DPP10: variants seen among roughly 807,000 people sequenced by gnomAD.
DPP10 encodes the protein dipeptidyl peptidase like 10.
DPP10 carries 33 observed loss-of-function variants against 120.9 expected under a neutral mutation model. That is an observed-to-expected ratio of 0.27 (90% CI 0.21 to 0.37). The LOEUF (loss-of-function observed/expected upper bound fraction) is 0.37. Ranked by LOEUF, DPP10 falls within the 10% of genes least tolerant of loss-of-function variation. DPP10 has a pLI of 1.00. For missense variants in DPP10, 816 were observed against 942.8 expected, an observed-to-expected ratio of 0.87 and a Z score of 1.76; for synonymous variants, 337 against 326.1, an observed-to-expected ratio of 1.03 and a Z score of -0.36.
chr2:114,483,751 G>A (rs542165498), intron 1 of DPP10, among the ~76,000 whole-genome samples: 31 of 152,222 alleles, frequency 2.0e-4, no homozygotes, highest in African/African-American at 5.8e-4. Flanking sequence ...GGAGGACCTC[G>A]CTCAGGCCTT....
intron 1 of DPP10, chr2:115,144,043 T>C (rs753949640): frequency 2.6e-5 from 4 of 152,264 alleles, no homozygotes; most frequent in South Asian, 2.1e-4. Context: ...GTGTACACCA[T>C]AGGATGGAAT....
chr2:114,993,578 GTGTATATATATA>G (rs1243175386), intron 1 of DPP10, among the ~76,000 whole-genome samples: 4 of 89,198 alleles, frequency 4.5e-5, no homozygotes, highest in African/African-American at 1.1e-4. Context: ...GTGTGTGTGT[GTGTATATATATA>G]TATATATATA....
chr2:115,177,856 C>G (rs983462633), intron 1 of DPP10, among the ~76,000 whole-genome samples: 3 of 152,054 alleles, frequency 2.0e-5, no homozygotes, highest in Non-Finnish European at 4.4e-5. Flanking sequence ...CTCCGCCTGC[C>G]AGGTTCATGC....
At chr2:115,239,606 A>T (rs1016047516) in intron 1 of DPP10, among the ~76,000 whole-genome samples, 1 of 152,086 alleles carries the variant, frequency 6.6e-6, no homozygotes, top group Admixed American at 6.6e-5. Flanking sequence ...TATAAACATA[A>T]CTTTTTTTTA....
chr2:114,668,980 G>C (rs1173337265), intron 1 of DPP10, among the ~76,000 whole-genome samples: 1 of 151,934 alleles, frequency 6.6e-6, no homozygotes, highest in Non-Finnish European at 1.5e-5. Flanking sequence ...CCTGTCTTCT[G>C]CAAGACTCCA....
chr2:115,490,668 CA>C (rs762042586), intron 3 of DPP10, among the ~76,000 whole-genome samples: 35 of 152,186 alleles, frequency 2.3e-4, no homozygotes, highest in South Asian at 1.5e-3. Context: ...CTTCCATTAA[CA>C]ATGCTAAGTT....
chr2:115,420,619 A>C (rs2069854895), intron 3 of DPP10, among the ~76,000 whole-genome samples: 2 of 152,178 alleles, frequency 1.3e-5, no homozygotes, highest in Admixed American at 6.6e-5. Flanking sequence ...ATCAAGAATG[A>C]GGTAACCAGC....
intron 1 of DPP10, among the ~76,000 whole-genome samples, chr2:115,305,734 T>C (rs1434729825): frequency 6.6e-6 from 1 of 151,806 alleles, no homozygotes; most frequent in Non-Finnish European, 1.5e-5. Context: ...CAAGACCCTC[T>C]CTCTAACAAC....
At chr2:115,088,975 A>G (rs1166421037) in intron 1 of DPP10, among the ~76,000 whole-genome samples, 1 of 151,918 alleles carries the variant, frequency 6.6e-6, no homozygotes, top group Non-Finnish European at 1.5e-5. Flanking sequence ...CACAACCTTT[A>G]TTGCCATCCC....
At chr2:114,513,233 A>G (rs1013456242) in intron 1 of DPP10, among the ~76,000 whole-genome samples, 8 of 152,046 alleles carry the variant, frequency 5.3e-5, no homozygotes, top group African/African-American at 1.9e-4. Context: ...AAGAAACTGG[A>G]CCTTTACAGC....
chr2:115,435,866 G>A (rs1477700870), intron 3 of DPP10, among the ~76,000 whole-genome samples: 2 of 151,878 alleles, frequency 1.3e-5, no homozygotes, highest in African/African-American at 2.4e-5. Context: ...AGTTGATTTT[G>A]TATATGGTGA....
intron 5 of DPP10, among the ~76,000 whole-genome samples, chr2:115,617,591 C>T (rs892481721): frequency 6.6e-6 from 1 of 151,290 alleles, no homozygotes; most frequent in Non-Finnish European, 1.5e-5. Context: ...AAATATTTAC[C>T]ATTTTGTTAC....
intron 8 of DPP10, among the ~76,000 whole-genome samples, chr2:115,734,849 C>A (rs2092997660): frequency 6.6e-6 from 1 of 151,962 alleles, no homozygotes; most frequent in Non-Finnish European, 1.5e-5. Flanking sequence ...AGAAAGGTGG[C>A]ACGTTCAAAA....
At chr2:114,496,357 G>T (rs2104470388) in intron 1 of DPP10, among the ~76,000 whole-genome samples, 1 of 152,206 alleles carries the variant, frequency 6.6e-6, no homozygotes, top group African/African-American at 2.4e-5. Context: ...ATACTATTTT[G>T]GGGATGCTGC....
intron 1 of DPP10, among the ~76,000 whole-genome samples, chr2:114,694,640 G>A (rs978442462): frequency 9.2e-5 from 14 of 151,928 alleles, no homozygotes; most frequent in African/African-American, 1.7e-4. Context: ...TGAATAAAAC[G>A]TAATATTTGT....
chr2:114,831,765 T>A (rs964403459), intron 1 of DPP10, among the ~76,000 whole-genome samples: 5 of 151,652 alleles, frequency 3.3e-5, no homozygotes, highest in Non-Finnish European at 5.9e-5. Flanking sequence ...ACATTCATAC[T>A]TCAAATGGTT....
rs1680243746 is a variant in DPP10, at chr2:115,762,577, T to C, written c.1080T>C (p.Tyr360=). 1 of 1,613,506 alleles carries C rather than the reference T, an allele frequency of 6.2e-7. No homozygotes were observed. The highest frequency in any genetic ancestry group is 8.5e-7 in the Non-Finnish European group (1 of 1,179,868). The change falls in exon 12 of 26, where the codon TAT becomes TAC. Residue 360 remains tyrosine, a synonymous_variant. Coordinates refer to ENST00000410059, the MANE Select transcript of DPP10 (RefSeq NM_020868.6). ...AGTTAATTGTTTTGTTTCAGAAATA[T>C]GAGATGACATCAGATACGTGGCTCT... The part of the protein sequence containing the change: ...ETTTGACSKK[Y]EMTSDTWLSQ...
In DPP10 at chr2:115,777,749, C is replaced by T. The variant is rs377684980; in HGVS notation, c.1314-38C>T. ...AATTCACAGATCACAAAAAATAGAT[C>T]TGTGTCTAATGCTTGTGTTGTTTTC... is the stretch of plus-strand genomic sequence containing the variant. On this transcript the variant is annotated intron_variant, in intron 14 of 25. Transcript: ENST00000410059. The T allele has an allele frequency of 8.1e-6, 13 of 1,605,852 alleles. No individual in the cohort carries two copies. The African/African-American group carries it at 1.7e-4, about 22-fold the overall frequency.
At chr2:114,663,668 T>TATATATATAGAG in intron 1 of DPP10, among the ~76,000 whole-genome samples, 34 of 80,698 alleles carry the variant, frequency 4.2e-4, no homozygotes, top group Non-Finnish European at 6.2e-4. Flanking sequence ...TATATATATA[T>TATATATATAGAG]AGAGAGAGAG....
Sources: gnomAD v4.1 joint callset for allele counts (sites outside exome capture counted in the v4.1 genomes callset) on GRCh38, gnomAD v4.1.1 for gene constraint, MANE v1.5 for transcripts, NCBI Gene and HGNC (gene_info 2026-07-23, HGNC 2026-07-21) for gene names.